RNF11: variants seen among roughly 807,000 people sequenced by gnomAD.
The protein encoded by RNF11 is ring finger protein 11.
RNF11 carries 4 observed loss-of-function variants against 15.8 expected under a neutral mutation model. The ratio of observed to expected loss-of-function variants is 0.25; its 90% CI spans 0.12 to 0.58. The LOEUF is 0.58. Ranked by LOEUF, RNF11 falls within the 20% of genes least tolerant of loss-of-function variation. RNF11 has a pLI of 0.91. For missense variants in RNF11, 139 were observed against 194.4 expected (o/e 0.71, Z 1.70); for synonymous variants, 68 against 72.3 (o/e 0.94, Z 0.30).
chr1:51,266,240 G>C (rs1480813288), intron 1 of RNF11, among the ~76,000 whole-genome samples: 1 of 152,146 alleles, frequency 6.6e-6, no homozygotes, highest in Non-Finnish European at 1.5e-5. Context: ...AAGTATATTT[G>C]GTTTGGTTTT....
chr1:51,266,843 T>C (rs961123183), intron 1 of RNF11, among the ~76,000 whole-genome samples: 1 of 152,244 alleles, frequency 6.6e-6, no homozygotes, highest in Non-Finnish European at 1.5e-5. Context: ...TGCTTTGATT[T>C]AGGTTATTCA....
intron 1 of RNF11, among the ~76,000 whole-genome samples, chr1:51,237,424 G>GTATATATATATATATGTGTATATA (rs1192720586): frequency 1.1e-4 from 15 of 135,902 alleles, no homozygotes; most frequent in South Asian, 6.8e-4. Flanking sequence ...GTGTGTGTGT[G>GTATATATATATATATGTGTATATA]TATATATATA....
intron 1 of RNF11, among the ~76,000 whole-genome samples, chr1:51,238,058 C>T (rs1332892185): frequency 2.0e-5 from 3 of 152,192 alleles, no homozygotes; most frequent in Non-Finnish European, 4.4e-5. Flanking sequence ...ACAGAAGCCT[C>T]CATGACTTCT....
At position 51,257,852 on chromosome 1, in the gene RNF11, TC is replaced by T. The variant is rs199706632; in HGVS notation, c.124-12103del. Among the ~76,000 whole-genome samples, 566 of 134,692 alleles carry T rather than the reference TC, an allele frequency of 4.2e-3. 20 individuals carry two copies. The highest frequency in any genetic ancestry group is 0.011 in the East Asian group (52 of 4,730). The allele number at this position is 134,692 out of a possible 152,430, so 88.4% of individuals were successfully genotyped here. ...TCTTCTTATTTCTTTTCTTTTCTTTTCTTTTTTTTTTTTTTTTTTGAGACAA... is the reference window on the plus strand; with the variant it reads ...TCTTCTTATTTCTTTTCTTTTCTTTTTTTTTTTTTTTTTTTTTTGAGACAA... On this transcript the variant is annotated intron_variant, in intron 1 of 2. Coordinates refer to ENST00000242719, the MANE Select transcript of RNF11 (RefSeq NM_014372.5).
chr1:51,238,743 A>C (rs1646816142), intron 1 of RNF11, among the ~76,000 whole-genome samples: 1 of 148,864 alleles, frequency 6.7e-6, no homozygotes, highest in Admixed American at 6.6e-5. Flanking sequence ...TTTTTTTTTT[A>C]ATGAGATGGA....
At chr1:51,252,098 A>G (rs1047282751) in intron 1 of RNF11, among the ~76,000 whole-genome samples, 6 of 151,498 alleles carry the variant, frequency 4.0e-5, no homozygotes, top group African/African-American at 1.2e-4. Context: ...AAAAAAAAAA[A>G]AAAAGAAACA....
At chr1:51,260,977 T>A (rs1316673688) in intron 1 of RNF11, among the ~76,000 whole-genome samples, 1 of 152,194 alleles carries the variant, frequency 6.6e-6, no homozygotes, top group African/African-American at 2.4e-5. Flanking sequence ...TAGCGGGAAA[T>A]TCACATGCAC....
At chr1:51,262,189 C>T (rs550954988) in intron 1 of RNF11, among the ~76,000 whole-genome samples, 2 of 152,298 alleles carry the variant, frequency 1.3e-5, no homozygotes, top group African/African-American at 2.4e-5. Context: ...GCCATGTTGC[C>T]CAGGCTGGGA....
intron 1 of RNF11, among the ~76,000 whole-genome samples, chr1:51,269,508 A>G (rs899396346): frequency 1.3e-5 from 2 of 152,268 alleles, no homozygotes; most frequent in South Asian, 4.1e-4. Flanking sequence ...TAGGAGCAGC[A>G]GAATTCTAAT....
intron 1 of RNF11, among the ~76,000 whole-genome samples, chr1:51,248,352 C>T (rs572821143): frequency 4.7e-4 from 72 of 151,806 alleles, no homozygotes; most frequent in Non-Finnish European, 6.0e-4. Flanking sequence ...GGATTATAGG[C>T]GGCGCCACCA....
chr1:51,258,091 T>A (rs1448115544), intron 1 of RNF11, among the ~76,000 whole-genome samples: 1 of 152,072 alleles, frequency 6.6e-6, no homozygotes, highest in Admixed American at 6.6e-5. Flanking sequence ...TGACCTCAGG[T>A]GATCCGCCTG....
intron 1 of RNF11, among the ~76,000 whole-genome samples, chr1:51,264,309 TATATATATACACAC>T (rs1352395116): frequency 9.7e-6 from 1 of 102,642 alleles, no homozygotes; most frequent in Non-Finnish European, 1.8e-5. Context: ...TATATATATA[TATATATATACACAC>T]ACACACACAC....
At position 51,270,065 on chromosome 1, in the gene RNF11, A is replaced by C. The variant is rs1467101452; in HGVS notation, c.233A>C (p.Gln78Pro). 6.2e-7 allele frequency: 1 copy of C among 1,613,720 alleles called. No homozygotes were observed. The highest frequency in any genetic ancestry group is 8.5e-7 in the Non-Finnish European group (1 of 1,179,806). ...IRIAQRIGLI[Q>P]HLPKGVYDPG... Reference sequence around the variant, plus strand: ...ATAGCTCAAAGAATAGGTCTTATACAACATCTGCCTAAAGGAGTTTATGAC... The same window carrying C: ...ATAGCTCAAAGAATAGGTCTTATACCACATCTGCCTAAAGGAGTTTATGAC... The change falls in exon 2 of 3, where the codon CAA becomes CCA. Residue 78 changes from glutamine to proline, a missense_variant. Coordinates refer to ENST00000242719, the MANE Select transcript of RNF11 (RefSeq NM_014372.5).
At chr1:51,244,486 G>A (rs559367675) in intron 1 of RNF11, among the ~76,000 whole-genome samples, 22 of 152,174 alleles carry the variant, frequency 1.4e-4, no homozygotes, top group Admixed American at 2.6e-4. Context: ...CCGGGTTCAC[G>A]CCATTCTCCT....
chr1:51,260,537 T>G (rs1646925470), intron 1 of RNF11, among the ~76,000 whole-genome samples: 1 of 152,174 alleles, frequency 6.6e-6, no homozygotes, highest in African/African-American at 2.4e-5. Flanking sequence ...CATTTTATCT[T>G]ACTGATTCAA....
intron 1 of RNF11, among the ~76,000 whole-genome samples, chr1:51,266,510 C>T (rs762002450): frequency 1.3e-5 from 2 of 151,732 alleles, no homozygotes. Context: ...GTCACCCAGT[C>T]TGGAGTGTAG....
intron 1 of RNF11, among the ~76,000 whole-genome samples, chr1:51,253,500 G>C (rs1391162635): frequency 2.7e-5 from 4 of 150,694 alleles, no homozygotes; most frequent in African/African-American, 9.8e-5. Flanking sequence ...TCCAGCCTGG[G>C]CAACCTCAAG....
intron 1 of RNF11, among the ~76,000 whole-genome samples, chr1:51,268,500 G>A (rs900930997): frequency 2.0e-5 from 3 of 152,022 alleles, no homozygotes; most frequent in African/African-American, 7.3e-5. Context: ...TTCCTTTTCT[G>A]TTCTGCTTTC....
At chr1:51,243,262 T>C (rs17106459) in intron 1 of RNF11, among the ~76,000 whole-genome samples, 4,673 of 152,296 alleles carry the variant, frequency 0.031, 106 homozygotes, top group African/African-American at 0.059. Context: ...TATTTGATGA[T>C]AGACTAAATT....
Sources: gnomAD v4.1 joint callset for allele counts (sites outside exome capture counted in the v4.1 genomes callset) on GRCh38, gnomAD v4.1.1 for gene constraint, MANE v1.5 for transcripts, NCBI Gene and HGNC (gene_info 2026-07-23, HGNC 2026-07-21) for gene names.